ADGRL2: variants seen among roughly 807,000 people sequenced by gnomAD.
The protein encoded by ADGRL2 is calcium-independent alpha-latrotoxin receptor 2.
ADGRL2 carries 44 observed loss-of-function variants against 157.4 expected under a neutral mutation model. The ratio of observed to expected loss-of-function variants is 0.28; its 90% confidence interval spans 0.22 to 0.36. ADGRL2 has a LOEUF of 0.36. Among genes scored for constraint, ADGRL2 ranks in the 10% least tolerant of loss-of-function variants. ADGRL2 has a pLI of 1.00. For missense variants in ADGRL2, 1,510 were observed against 1,768.9 expected, an observed-to-expected ratio of 0.85 and a Z score of 2.63; for synonymous variants, 585 against 624.7, an observed-to-expected ratio of 0.94 and a Z score of 0.95.
chr1:81,984,437 G>GCAAA, intron 19 of ADGRL2, 146 bp from the exon 20 acceptor site: 8 of 777,492 alleles, frequency 1.0e-5, no homozygotes, highest in Non-Finnish European at 1.6e-5. Context: ...AATTGAACTT[G>GCAAA]ATTTTGCAAG....
intron 2 of ADGRL2, among the ~76,000 whole-genome samples, chr1:81,497,237 G>A (rs1002614188): frequency 6.6e-6 from 1 of 152,124 alleles, no homozygotes; most frequent in Non-Finnish European, 1.5e-5. Context: ...CACCTGTCTT[G>A]GTTCCCCATT....
At chr1:81,639,855 C>T (rs2082185074) in intron 3 of ADGRL2, among the ~76,000 whole-genome samples, 2 of 152,162 alleles carry the variant, frequency 1.3e-5, no homozygotes, top group East Asian at 3.9e-4. Context: ...TTTAATTTAA[C>T]CCAGGATGCT....
At chr1:81,826,760 A>G (rs1206459564) in intron 1 of ADGRL2, among the ~76,000 whole-genome samples, 1 of 152,190 alleles carries the variant, frequency 6.6e-6, no homozygotes, top group African/African-American at 2.4e-5. Flanking sequence ...TGTTATCTGT[A>G]AAATGGAAAG....
chr1:81,666,406 T>C lies in ADGRL2; in HGVS notation c.-143+85426T>C, dbSNP rs143097132. Among the ~76,000 whole-genome samples, 500 of 152,324 alleles carry C rather than the reference T, an allele frequency of 3.3e-3. 2 individuals are homozygous for C. Among genetic ancestry groups the C allele is most frequent in the African/African-American group, 0.011 (454 of 41,576 alleles). On this transcript the variant is annotated intron_variant, in intron 3 of 24. Transcript: ENST00000370721. ...GGATGCTGCTAAAATGATGGAACCT[T>C]AATGTAACCTTTTCAGCCAGAGATA...
intron 2 of ADGRL2, among the ~76,000 whole-genome samples, chr1:81,563,412 AC>A (rs1483731859): frequency 1.3e-5 from 2 of 152,108 alleles, no homozygotes; most frequent in African/African-American, 4.8e-5. Flanking sequence ...TTAATTACCA[AC>A]CTCCTTTGTT....
At chr1:81,319,019 G>C (rs188185303) in intron 1 of ADGRL2, among the ~76,000 whole-genome samples, 32 of 118,458 alleles carry the variant, frequency 2.7e-4, no homozygotes, top group African/African-American at 1.0e-3. Flanking sequence ...CCAGCTCACC[G>C]CAACCTCCAC....
intron 2 of ADGRL2, among the ~76,000 whole-genome samples, chr1:81,848,320 T>G (rs2092872736): frequency 6.6e-6 from 1 of 151,854 alleles, no homozygotes; most frequent in Non-Finnish European, 1.5e-5. Context: ...TTTGATTTTT[T>G]TGGTGGAATT....
intron 2 of ADGRL2, among the ~76,000 whole-genome samples, chr1:81,543,050 T>C (rs1418190292): frequency 1.3e-5 from 2 of 151,950 alleles, no homozygotes; most frequent in Non-Finnish European, 2.9e-5. Context: ...AAAGCCTTAA[T>C]AATATGCTAA....
intron 1 of ADGRL2, among the ~76,000 whole-genome samples, chr1:81,425,860 AATTT>A (rs34701013): frequency 1.3e-5 from 2 of 149,720 alleles, no homozygotes; most frequent in South Asian, 2.1e-4. Flanking sequence ...AGAAAATACA[AATTT>A]ATTTATTTAT....
intron 2 of ADGRL2, among the ~76,000 whole-genome samples, chr1:81,779,700 G>C (rs2086737037): frequency 6.6e-6 from 1 of 152,108 alleles, no homozygotes; most frequent in South Asian, 2.1e-4. Flanking sequence ...CCATTTTCTT[G>C]CTCATTAGAA....
intron 1 of ADGRL2, among the ~76,000 whole-genome samples, chr1:81,702,137 G>A (rs189254066): frequency 5.3e-5 from 8 of 152,210 alleles, no homozygotes. Context: ...GAAGAGGAAG[G>A]CTGTCATACC....
intron 2 of ADGRL2, among the ~76,000 whole-genome samples, chr1:81,568,109 T>G (rs148382796): frequency 0.027 from 4,117 of 152,138 alleles, 81 homozygotes; most frequent in East Asian, 0.038. Context: ...ATTAATATGA[T>G]GGCTAAAATA....
intron 1 of ADGRL2, among the ~76,000 whole-genome samples, chr1:81,334,937 G>T (rs1000165401): frequency 6.6e-6 from 1 of 152,150 alleles, no homozygotes; most frequent in Non-Finnish European, 1.5e-5. Flanking sequence ...TGTCTTTGGT[G>T]TTGATTAAAT....
upstream of ADGRL2, among the ~76,000 whole-genome samples, chr1:81,796,109 G>A (rs891873393): frequency 2.6e-5 from 4 of 152,278 alleles, no homozygotes; most frequent in East Asian, 7.7e-4. Context: ...TCCTGCCTCA[G>A]CCTCCCGAGT....
intron 2 of ADGRL2, among the ~76,000 whole-genome samples, chr1:81,458,695 G>A (rs1003563244): frequency 3.9e-5 from 6 of 152,216 alleles, no homozygotes; most frequent in Non-Finnish European, 8.8e-5. Context: ...GTGTTTAGAT[G>A]AGGTGGATGT....
upstream of ADGRL2, among the ~76,000 whole-genome samples, chr1:81,799,945 T>C (rs1167583576): frequency 6.6e-6 from 1 of 152,158 alleles, no homozygotes; most frequent in Admixed American, 6.5e-5. Context: ...AACTGGCTTT[T>C]AAACGTTTTT....
chr1:81,971,819 C>T (rs371681300), intron 16 of ADGRL2, 33 bp from the exon 17 acceptor site: 10 of 1,204,846 alleles, frequency 8.3e-6, no homozygotes, highest in Non-Finnish European at 1.2e-5. Context: ...TCCATAGAAA[C>T]TACTAATGCA....
intron 23 of ADGRL2, among the ~76,000 whole-genome samples, chr1:81,988,909 C>T (rs957601378): frequency 1.3e-5 from 2 of 152,072 alleles, no homozygotes; most frequent in Non-Finnish European, 2.9e-5. Flanking sequence ...TACAATGCAG[C>T]AGCCTCACAG....
At chr1:81,842,232 G>A (rs973310816) in intron 2 of ADGRL2, among the ~76,000 whole-genome samples, 1 of 151,154 alleles carries the variant, frequency 6.6e-6, no homozygotes. Flanking sequence ...TCAGAAGTTA[G>A]TATCCAGTTG....
Sources: allele counts gnomAD v4.1 joint callset (sites outside exome capture counted in the v4.1 genomes callset), GRCh38; gene constraint gnomAD v4.1.1; transcripts MANE v1.5; gene names NCBI Gene and HGNC (gene_info 2026-07-23, HGNC 2026-07-21).